Variants in LARGE1 observed in about 807,000 individuals in gnomAD.
LARGE1 encodes xylosyl- and glucuronyltransferase LARGE1.
A neutral mutation model predicts 87.6 loss-of-function variants in LARGE1; 43 were observed. The ratio of observed to expected loss-of-function variants is 0.49; its 90% CI spans 0.38 to 0.63. LARGE1 has a LOEUF of 0.63. Among genes scored for constraint, LARGE1 ranks in the 30% least tolerant of loss-of-function variants. The pLI is 0.00. For synonymous variants in LARGE1, 434 were observed against 394.6 expected, an observed-to-expected ratio of 1.10 and a Z score of -1.18; for missense variants, 802 against 1,000.2, an observed-to-expected ratio of 0.80 and a Z score of 2.67.
At chr22:33,582,456 T>C (rs1369930393) in intron 5 of LARGE1, among the ~76,000 whole-genome samples, 1 of 151,292 alleles carries the variant, frequency 6.6e-6, no homozygotes, top group East Asian at 1.9e-4. Flanking sequence ...GAAAGAAAAG[T>C]GACAACTCTT....
intron 4 of LARGE1, among the ~76,000 whole-genome samples, chr22:33,610,961 A>G (rs1173937893): frequency 6.6e-6 from 1 of 152,234 alleles, no homozygotes; most frequent in African/African-American, 2.4e-5. Flanking sequence ...AACCTTGGCA[A>G]CTTCCATGGG....
chr22:33,699,431 AG>A (rs2082344013), intron 2 of LARGE1, among the ~76,000 whole-genome samples: 1 of 152,230 alleles, frequency 6.6e-6, no homozygotes, highest in Non-Finnish European at 1.5e-5. Context: ...CAACATTCCT[AG>A]AAGCAGAGCC....
At chr22:33,791,033 C>T (rs1168007289) in intron 1 of LARGE1, among the ~76,000 whole-genome samples, 1 of 152,116 alleles carries the variant, frequency 6.6e-6, no homozygotes, top group Admixed American at 6.6e-5. Flanking sequence ...ACACAAATTT[C>T]TTAAGAGAAT....
intron 6 of LARGE1, among the ~76,000 whole-genome samples, chr22:33,474,227 A>T (rs1453704195): frequency 1.3e-5 from 2 of 152,068 alleles, no homozygotes; most frequent in Non-Finnish European, 2.9e-5. Context: ...GCAATGGTGC[A>T]ATCTCGGCTC....
chr22:33,453,582 A>T (rs981694821), intron 6 of LARGE1, among the ~76,000 whole-genome samples: 1 of 152,200 alleles, frequency 6.6e-6, no homozygotes, highest in Non-Finnish European at 1.5e-5. Flanking sequence ...GTTCACTCTT[A>T]TCACTGAAAA....
intron 6 of LARGE1, among the ~76,000 whole-genome samples, chr22:33,468,239 C>A (rs868711666): frequency 6.6e-6 from 1 of 152,206 alleles, no homozygotes; most frequent in African/African-American, 2.4e-5. Flanking sequence ...CAAGCCTCAG[C>A]TGAGTTTTGG....
chr22:33,890,789 G>A (rs906511158), intron 1 of LARGE1, among the ~76,000 whole-genome samples: 3 of 151,314 alleles, frequency 2.0e-5, no homozygotes, highest in Non-Finnish European at 4.4e-5. Context: ...TCATAATTTT[G>A]GGGTGGGGGC....
chr22:33,602,041 C>A (rs369758502), intron 5 of LARGE1, among the ~76,000 whole-genome samples: 2 of 152,056 alleles, frequency 1.3e-5, no homozygotes, highest in Non-Finnish European at 2.9e-5. Flanking sequence ...ACTTCACAAC[C>A]GGCCACACCA....
chr22:33,096,711 C>T, the LARGE1 span, among the ~76,000 whole-genome samples: 3 of 151,886 alleles, frequency 2.0e-5, no homozygotes, highest in African/African-American at 7.2e-5. Flanking sequence ...ACTACGGGCG[C>T]CCGCCACTGC....
At chr22:33,735,090 C>CAGTTTA (rs2083606769) in intron 2 of LARGE1, among the ~76,000 whole-genome samples, 1 of 152,186 alleles carries the variant, frequency 6.6e-6, no homozygotes, top group Non-Finnish European at 1.5e-5. Flanking sequence ...AGCAGGACAT[C>CAGTTTA]AGTTTACAAA....
intron 7 of LARGE1, among the ~76,000 whole-genome samples, chr22:33,410,821 T>G (rs2066282928): frequency 1.3e-5 from 2 of 152,128 alleles, no homozygotes; most frequent in South Asian, 4.1e-4. Context: ...TCAACGAACC[T>G]TGCTGAGCCT....
At chr22:33,860,085 C>T (rs143940606) in intron 1 of LARGE1, among the ~76,000 whole-genome samples, 34 of 152,064 alleles carry the variant, frequency 2.2e-4, no homozygotes, top group African/African-American at 7.7e-4. Context: ...GAACTGTCCA[C>T]CCAAAAATAG....
chr22:33,634,775 C>G (rs2080218659), intron 3 of LARGE1, among the ~76,000 whole-genome samples: 1 of 152,058 alleles, frequency 6.6e-6, no homozygotes, highest in African/African-American at 2.4e-5. Flanking sequence ...ACAGCAATAA[C>G]CTAGGCAATT....
At chr22:33,789,492 AG>A (rs1381074003) in intron 1 of LARGE1, among the ~76,000 whole-genome samples, 13 of 152,154 alleles carry the variant, frequency 8.5e-5, no homozygotes, top group Non-Finnish European at 1.8e-4. Context: ...CTGTGAGAAG[AG>A]GGCCACTGTC....
chr22:33,688,539 TG>T (rs1486524308), intron 2 of LARGE1, among the ~76,000 whole-genome samples: 2 of 152,060 alleles, frequency 1.3e-5, no homozygotes, highest in African/African-American at 4.8e-5. Flanking sequence ...TTAGTAGAGA[TG>T]GGGTTTCTCC....
chr22:33,171,049 C>T (rs1472851936), intron 11 of LARGE1, among the ~76,000 whole-genome samples: 1 of 152,130 alleles, frequency 6.6e-6, no homozygotes, highest in Non-Finnish European at 1.5e-5. Flanking sequence ...GGAACTGGAG[C>T]AAAGGTCACT....
At chr22:33,360,954 C>G (rs549345325) in intron 9 of LARGE1, among the ~76,000 whole-genome samples, 1 of 149,716 alleles carries the variant, frequency 6.7e-6, no homozygotes, top group African/African-American at 2.5e-5. Context: ...CAGTGGCTCA[C>G]GCCTATAATC....
rs191148990 is a variant in LARGE1, at chr22:33,788,885, T to C, written c.-82-27327A>G. Among the ~76,000 whole-genome samples the C allele has an allele frequency of 3.0e-3, 456 of 152,328 alleles. 4 individuals are homozygous for C. Among genetic ancestry groups the C allele is most frequent in the African/African-American group, 0.01 (431 of 41,568 alleles). On this transcript the variant is annotated intron_variant, in intron 1 of 14. Coordinates refer to ENST00000397394, the MANE Select transcript of LARGE1 (RefSeq NM_133642.5). ...AGATATGGTTTGGAATTGGAATTTATGTTTACAAGAGAAGCAAAGCATAAA... is the reference window on the plus strand; with the variant it reads ...AGATATGGTTTGGAATTGGAATTTACGTTTACAAGAGAAGCAAAGCATAAA...
intron 9 of LARGE1, among the ~76,000 whole-genome samples, chr22:33,363,115 C>T (rs1013930683): frequency 6.7e-6 from 1 of 150,108 alleles, no homozygotes; most frequent in Non-Finnish European, 1.5e-5. Context: ...CAGGTTGACT[C>T]TCCTTTGGAG....
Sources: allele counts gnomAD v4.1 joint callset (sites outside exome capture counted in the v4.1 genomes callset), GRCh38; gene constraint gnomAD v4.1.1; transcripts MANE v1.5; gene names NCBI Gene and HGNC (gene_info 2026-07-23, HGNC 2026-07-21).